The following CPQ variants were observed in gnomAD, a reference collection of about 807,000 sequenced individuals.
CPQ encodes the protein carboxypeptidase Q, also known as Ser-Met dipeptidase.
Under a neutral mutation model 45.7 loss-of-function variants are expected in CPQ, and 37 were observed. That is an observed-to-expected ratio of 0.81 (90% CI 0.62 to 1.07). The LOEUF is 1.07. CPQ is among the 50% of genes least tolerant of loss of function. CPQ has a pLI of 0.00. For missense variants in CPQ, 537 were observed against 572.9 expected (o/e 0.94, Z 0.64); for synonymous variants, 186 against 205.8 (o/e 0.90, Z 0.82).
Position 97,094,070 on chromosome 8 carries a change from T to A in CPQ, c.1255+27860T>A, listed in dbSNP as rs1265571298. On this transcript the variant is annotated intron_variant, in intron 7 of 7. Transcript: ENST00000220763. ...TGTGAAAACCTCCTTGCACATTTTT[T>A]CTTTTCTTTTTTTCTCTTTGCAGAA... 2.8e-5 allele frequency among the ~76,000 whole-genome samples: 3 copies of A among 107,968 alleles called. No homozygotes were observed. The Admixed American group carries it at 2.9e-4, about 11-fold the overall frequency. 70.8% of individuals were successfully genotyped at this position (107,968 alleles called of 152,430 possible).
chr8:96,951,615 C>T (rs1295831377), intron 4 of CPQ, among the ~76,000 whole-genome samples: 1 of 152,014 alleles, frequency 6.6e-6, no homozygotes, highest in African/African-American at 2.4e-5. Context: ...CGTAACTTAC[C>T]TATTTCACGG....
intron 3 of CPQ, among the ~76,000 whole-genome samples, chr8:96,869,231 T>A (rs779736021): frequency 6.6e-6 from 1 of 152,020 alleles, no homozygotes; most frequent in Non-Finnish European, 1.5e-5. Flanking sequence ...GCACCAAATT[T>A]TGCCTTCATT....
At chr8:96,954,018 A>G (rs1813311538) in intron 4 of CPQ, among the ~76,000 whole-genome samples, 3 of 152,298 alleles carry the variant, frequency 2.0e-5, no homozygotes, top group Non-Finnish European at 4.4e-5. Context: ...AATGTTAAAC[A>G]AGATTGTATC....
intron 7 of CPQ, among the ~76,000 whole-genome samples, chr8:97,137,200 G>A (rs1586558764): frequency 6.6e-6 from 1 of 152,324 alleles, no homozygotes; most frequent in South Asian, 2.1e-4. Context: ...AATTCCTTCA[G>A]TCTGAGAATT....
chr8:96,837,524 T>C, intron 3 of CPQ, among the ~76,000 whole-genome samples: 1 of 152,180 alleles, frequency 6.6e-6, no homozygotes, highest in East Asian at 1.9e-4. Flanking sequence ...GCTGTCACTC[T>C]CACTCTCTTC....
At chr8:96,714,450 G>A (rs1209167910) in intron 1 of CPQ, among the ~76,000 whole-genome samples, 1 of 152,000 alleles carries the variant, frequency 6.6e-6, no homozygotes, top group Non-Finnish European at 1.5e-5. Context: ...TCTGCATTTT[G>A]TAATTCCCCA....
intron 1 of CPQ, among the ~76,000 whole-genome samples, chr8:96,669,210 T>C (rs922759730): frequency 1.3e-5 from 2 of 152,242 alleles, no homozygotes; most frequent in African/African-American, 4.8e-5. Flanking sequence ...TGTGGCCTAA[T>C]TGACAATAAT....
chr8:96,911,606 C>T (rs1430842722), intron 4 of CPQ, among the ~76,000 whole-genome samples: 3 of 152,188 alleles, frequency 2.0e-5, no homozygotes, highest in African/African-American at 7.2e-5. Context: ...TGCCCATGCT[C>T]CTCTTGTCAT....
chr8:97,103,980 C>T (rs1240150168), intron 7 of CPQ, among the ~76,000 whole-genome samples: 3 of 152,094 alleles, frequency 2.0e-5, no homozygotes, highest in Non-Finnish European at 4.4e-5. Context: ...CACTGAGTGC[C>T]ACACTGGTTG....
intron 5 of CPQ, among the ~76,000 whole-genome samples, chr8:96,993,783 A>G (rs1379971956): frequency 6.6e-6 from 1 of 152,188 alleles, no homozygotes; most frequent in African/African-American, 2.4e-5. Context: ...TTCAGGTATC[A>G]TAATTATGTA....
intron 4 of CPQ, among the ~76,000 whole-genome samples, chr8:96,941,496 G>T (rs191541037): frequency 6.6e-6 from 1 of 151,964 alleles, no homozygotes; most frequent in Non-Finnish European, 1.5e-5. Context: ...TTCTTTCTTT[G>T]TAGGCTCCTG....
At chr8:96,910,793 C>T (rs961786240) in intron 4 of CPQ, among the ~76,000 whole-genome samples, 8 of 152,118 alleles carry the variant, frequency 5.3e-5, no homozygotes, top group Admixed American at 1.3e-4. Flanking sequence ...CGTGAGCCAC[C>T]GCGCCCGGCT....
intron 7 of CPQ, among the ~76,000 whole-genome samples, chr8:97,082,222 T>C (rs1810961907): frequency 6.6e-6 from 1 of 152,180 alleles, no homozygotes; most frequent in Non-Finnish European, 1.5e-5. Flanking sequence ...AGCTTCTCTT[T>C]TCATGGTGCT....
At chr8:97,074,814 G>C (rs1363421363) in intron 7 of CPQ, among the ~76,000 whole-genome samples, 1 of 151,880 alleles carries the variant, frequency 6.6e-6, no homozygotes, top group African/African-American at 2.4e-5. Context: ...GGACATTCCT[G>C]ATGAGATAAT....
At chr8:96,899,779 G>A (rs1461118926) in intron 4 of CPQ, among the ~76,000 whole-genome samples, 1 of 152,018 alleles carries the variant, frequency 6.6e-6, no homozygotes, top group Non-Finnish European at 1.5e-5. Flanking sequence ...ATTTGACTGG[G>A]GATAAATATC....
rs545401060 is a variant in CPQ at position 97,019,959 on chromosome 8, A to T, written c.962-9444A>T. On this transcript the variant is annotated intron_variant, in intron 5 of 7. Transcript: ENST00000220763. The stretch of plus-strand genomic sequence containing the variant: ...ATCAGCACATGGAACTTTCTCCAAG[A>T]TAGACCATATGATAGGCCACAAAAC... 9.2e-5 allele frequency among the ~76,000 whole-genome samples: 14 copies of T among 152,334 alleles called. No homozygotes were observed. The South Asian group carries it at 2.5e-3, about 27-fold the overall frequency.
At chr8:96,962,712 G>T (rs995498422) in intron 4 of CPQ, among the ~76,000 whole-genome samples, 1 of 152,146 alleles carries the variant, frequency 6.6e-6, no homozygotes, top group African/African-American at 2.4e-5. Flanking sequence ...AGGAATGCTA[G>T]CCACATTCCA....
At chr8:97,055,806 A>G (rs561335577) in intron 6 of CPQ, among the ~76,000 whole-genome samples, 48 of 152,268 alleles carry the variant, frequency 3.2e-4, no homozygotes, top group Non-Finnish European at 5.4e-4. Context: ...ACTGTTAGAG[A>G]ATAAATTTTT....
chr8:96,915,703 G>C (rs1215705841), intron 4 of CPQ, among the ~76,000 whole-genome samples: 1 of 152,010 alleles, frequency 6.6e-6, no homozygotes, highest in East Asian at 1.9e-4. Flanking sequence ...CACCTCCTCT[G>C]TCCTCTATTT....
Sources: gnomAD v4.1 joint callset for allele counts (sites outside exome capture counted in the v4.1 genomes callset) on GRCh38, gnomAD v4.1.1 for gene constraint, MANE v1.5 for transcripts, NCBI Gene and HGNC (gene_info 2026-07-23, HGNC 2026-07-21) for gene names.